HCN1: variants seen among roughly 807,000 people sequenced by gnomAD.
HCN1 encodes potassium/sodium hyperpolarization-activated cyclic nucleotide-gated channel 1.
HCN1 carries 13 observed loss-of-function variants against 78.9 expected under a neutral mutation model. The observed-to-expected ratio is 0.16, with a 90% CI of 0.11 to 0.26. The LOEUF (loss-of-function observed/expected upper bound fraction) is 0.26, where lower values mean the gene tolerates loss of function less well. Among genes scored for constraint, HCN1 ranks in the 10% least tolerant of loss-of-function variants. The probability of loss-of-function intolerance (pLI) is 1.00; values close to 1 mark genes in which losing one functional copy is unlikely to be tolerated. For missense variants in HCN1, 810 were observed against 1,154.3 expected, an observed-to-expected ratio of 0.70 and a Z score of 4.32; for synonymous variants, 552 against 455.5, an observed-to-expected ratio of 1.21 and a Z score of -2.70.
In HCN1 at chr5:45,259,383, T is replaced by A. The variant is rs1744685310; in HGVS notation, c.*2538A>T. 1 of 152,416 alleles carries A rather than the reference T, an allele frequency of 6.6e-6. No individual in the cohort carries two copies. 9.4% of individuals were successfully genotyped at this position (152,416 alleles called of 1,614,324 possible). A position where few individuals can be genotyped will look rare whatever the true frequency, so the allele number is the denominator to read the frequency against. ...GTTGTAAGAATCAGCTATTCTATTA[T>A]CTTTCCAGCAGCAGAAAGACCAATG... is the stretch of plus-strand genomic sequence containing the variant. On this transcript the variant is annotated 3_prime_UTR_variant, in exon 8 of 8. Coordinates refer to ENST00000303230, the MANE Select transcript of HCN1 (RefSeq NM_021072.4).
intron 3 of HCN1, among the ~76,000 whole-genome samples, chr5:45,417,943 T>C (rs1740150837): frequency 6.6e-6 from 1 of 151,812 alleles, no homozygotes; most frequent in Non-Finnish European, 1.5e-5. Flanking sequence ...TAATTCTAAA[T>C]ATACTGATAT....
rs886043996 is a variant in HCN1, at chr5:45,695,959, G to T, written c.135C>A (p.Gly45=). ...CGTGCTCCTTCGCGCCGGCCCCGCC[G>T]CCCCCCGGCGGGGTGCCCAGGCGCT... The part of the protein sequence containing the change: ...AEKRLGTPPG[G]GGAGAKEHGN... Residue 45 remains glycine (G), a synonymous_variant, in exon 1 of 8, where the codon GGC becomes GGA. Transcript: ENST00000303230. 1 of 1,329,252 alleles carries T rather than the reference G, an allele frequency of 7.5e-7. No homozygotes were observed. The highest frequency in any genetic ancestry group is 9.5e-7 in the Non-Finnish European group (1 of 1,048,384). The allele number at this position is 1,329,252 out of a possible 1,614,324, so 82.3% of individuals were successfully genotyped here.
At chr5:45,265,731 T>C (rs1000308446) in intron 7 of HCN1, among the ~76,000 whole-genome samples, 6 of 152,220 alleles carry the variant, frequency 3.9e-5, no homozygotes, top group African/African-American at 1.4e-4. Context: ...CCCATCTTTT[T>C]TGAGTTCATT....
At position 45,260,622 on chromosome 5, in the gene HCN1, T is replaced by C. The variant is rs909354756; in HGVS notation, c.*1299A>G. 21 of 152,614 alleles carry C rather than the reference T, an allele frequency of 1.4e-4. No homozygotes were observed. The highest frequency in any genetic ancestry group is 3.9e-4 in the Admixed American group (6 of 15,276). 9.5% of individuals were successfully genotyped at this position (152,614 alleles called of 1,614,324 possible). A position where few individuals can be genotyped will look rare whatever the true frequency, so the allele number is the denominator to read the frequency against. Reference sequence around the variant, plus strand: ...CAGACGTGATGCTGTATTGAATTTATTTCTTTAAATTAATACCATAGTAAA... The same window carrying C: ...CAGACGTGATGCTGTATTGAATTTACTTCTTTAAATTAATACCATAGTAAA... On this transcript the variant is annotated 3_prime_UTR_variant, in exon 8 of 8. Coordinates refer to ENST00000303230, the MANE Select transcript of HCN1 (RefSeq NM_021072.4).
intron 2 of HCN1, among the ~76,000 whole-genome samples, chr5:45,609,901 G>C (rs1347841310): frequency 1.3e-5 from 2 of 152,128 alleles, no homozygotes; most frequent in African/African-American, 4.8e-5. Flanking sequence ...GCTCTTTTGA[G>C]GAATGTTGAG....
At position 45,652,145 on chromosome 5, in the gene HCN1, G is replaced by A. The variant is rs530197978; in HGVS notation, c.426-6537C>T. On this transcript the variant is annotated intron_variant, in intron 1 of 7. Transcript: ENST00000303230. The stretch of plus-strand genomic sequence containing the variant: ...AAAACCTATGAAAGTATTAAGTTGT[G>A]TACCAATCCAAGCAAAAGTAAACAT... Among the ~76,000 whole-genome samples, 4 of 151,984 alleles carry A rather than the reference G, an allele frequency of 2.6e-5. No homozygotes were observed. The South Asian group carries it at 6.2e-4, about 24-fold the overall frequency.
At chr5:45,296,920 T>A (rs1308092225) in intron 6 of HCN1, among the ~76,000 whole-genome samples, 7 of 151,956 alleles carry the variant, frequency 4.6e-5, no homozygotes, top group Non-Finnish European at 7.4e-5. Flanking sequence ...CCTAAATAAC[T>A]TTATATCCAC....
chr5:45,422,784 A>G (rs998348888), intron 3 of HCN1, among the ~76,000 whole-genome samples: 3 of 152,078 alleles, frequency 2.0e-5, no homozygotes, highest in Non-Finnish European at 4.4e-5. Flanking sequence ...CACCCCTTTT[A>G]TATTTCTGCA....
intron 2 of HCN1, among the ~76,000 whole-genome samples, chr5:45,512,382 C>A (rs1331985473): frequency 6.6e-6 from 1 of 152,004 alleles, no homozygotes; most frequent in Non-Finnish European, 1.5e-5. Flanking sequence ...CATCTTTTTA[C>A]TTTTTTTCTA....
intron 2 of HCN1, among the ~76,000 whole-genome samples, chr5:45,626,183 C>G (rs1745160098): frequency 6.6e-6 from 1 of 152,206 alleles, no homozygotes; most frequent in African/African-American, 2.4e-5. Flanking sequence ...AATCACACCA[C>G]TTTGCTGTCA....
At chr5:45,612,463 A>G (rs566596619) in intron 2 of HCN1, among the ~76,000 whole-genome samples, 44 of 152,320 alleles carry the variant, frequency 2.9e-4, no homozygotes, top group African/African-American at 9.9e-4. Flanking sequence ...CATACTGATT[A>G]ATATTGAAAT....
intron 5 of HCN1, among the ~76,000 whole-genome samples, chr5:45,351,992 A>G (rs1451400594): frequency 6.6e-6 from 1 of 152,196 alleles, no homozygotes; most frequent in Non-Finnish European, 1.5e-5. Context: ...ATCTAGAACT[A>G]GAAATACCAT....
intron 2 of HCN1, among the ~76,000 whole-genome samples, chr5:45,623,407 C>G (rs2111999115): frequency 6.6e-6 from 1 of 152,260 alleles, no homozygotes; most frequent in South Asian, 2.1e-4. Flanking sequence ...ACATCACTTC[C>G]ATCTCTGAGA....
At chr5:45,483,872 G>C (rs1741706195) in intron 2 of HCN1, among the ~76,000 whole-genome samples, 1 of 152,136 alleles carries the variant, frequency 6.6e-6, no homozygotes, top group South Asian at 2.1e-4. Context: ...ATACTGAATG[G>C]GGAGTCTTTT....
intron 3 of HCN1, among the ~76,000 whole-genome samples, chr5:45,408,136 TA>T (rs1349473247): frequency 6.6e-6 from 1 of 152,076 alleles, no homozygotes; most frequent in Admixed American, 6.6e-5. Flanking sequence ...CATTATAAAG[TA>T]AAAAAGTTAG....
chr5:45,607,990 A>C (rs1191406158), intron 2 of HCN1, among the ~76,000 whole-genome samples: 16 of 151,918 alleles, frequency 1.1e-4, no homozygotes, highest in Admixed American at 1.1e-3. Flanking sequence ...GAATATAAAA[A>C]CACATTATTA....
chr5:45,331,465 T>C (rs949066961), intron 5 of HCN1, among the ~76,000 whole-genome samples: 2 of 151,370 alleles, frequency 1.3e-5, no homozygotes, highest in African/African-American at 4.8e-5. Context: ...TTTTAAAATA[T>C]CAAATTTAAG....
chr5:45,372,037 T>A (rs71590658), intron 4 of HCN1, among the ~76,000 whole-genome samples: 1 of 53,032 alleles, frequency 1.9e-5, no homozygotes, highest in Non-Finnish European at 2.9e-5. Context: ...TATAATTATA[T>A]ATATATTATA....
intron 2 of HCN1, among the ~76,000 whole-genome samples, chr5:45,487,218 A>C (rs1460600407): frequency 6.6e-6 from 1 of 152,112 alleles, no homozygotes; most frequent in African/African-American, 2.4e-5. Flanking sequence ...CATTGCTGAA[A>C]AATGTTTTTG....
Sources: allele counts gnomAD v4.1 joint callset (sites outside exome capture counted in the v4.1 genomes callset), GRCh38; gene constraint gnomAD v4.1.1; transcripts MANE v1.5; gene names NCBI Gene and HGNC (gene_info 2026-07-23, HGNC 2026-07-21).